SYNPR: variants seen among roughly 807,000 people sequenced by gnomAD.
SYNPR encodes the protein synaptoporin.
Under a neutral mutation model 32.9 loss-of-function variants are expected in SYNPR, and 23 were observed. That is an observed-to-expected ratio of 0.70 (90% confidence interval 0.50 to 0.99). The LOEUF is 0.99. SYNPR is among the 50% of genes least tolerant of loss of function. The pLI is 0.00. For synonymous variants in SYNPR, 146 were observed against 135.9 expected (o/e 1.07, Z -0.52); for missense variants, 318 against 349.3 (o/e 0.91, Z 0.71).
At chr3:63,203,843 C>T in the SYNPR span, among the ~76,000 whole-genome samples, 1 of 151,924 alleles carries the variant, frequency 6.6e-6, no homozygotes, top group African/African-American at 2.4e-5. Context: ...CTAAATAATA[C>T]AAAAAATTAG....
intron 3 of SYNPR, among the ~76,000 whole-genome samples, chr3:63,551,633 G>A (rs900303611): frequency 1.3e-5 from 2 of 152,240 alleles, no homozygotes; most frequent in Non-Finnish European, 1.5e-5. Context: ...TAGTGGATGT[G>A]AAGTAGTATC....
chr3:63,443,950 T>A (rs1240947738), intron 2 of SYNPR, among the ~76,000 whole-genome samples: 3 of 152,200 alleles, frequency 2.0e-5, no homozygotes, highest in Non-Finnish European at 4.4e-5. Flanking sequence ...TTATAAGGTC[T>A]TATAGCAGTA....
At chr3:63,562,440 A>G (rs576674390) in intron 4 of SYNPR, among the ~76,000 whole-genome samples, 1 of 152,290 alleles carries the variant, frequency 6.6e-6, no homozygotes, top group South Asian at 2.1e-4. Flanking sequence ...CCACCTTAAG[A>G]TTTTGTGTAA....
chr3:63,245,680 TGAGAGAGAGAGAGAGAGA>T (rs71992869), intron 1 of SYNPR, among the ~76,000 whole-genome samples: 1 of 123,286 alleles, frequency 8.1e-6, no homozygotes, highest in African/African-American at 3.1e-5. Flanking sequence ...CTTTGTCAAG[TGAGAGAGAGAGAGAGAGA>T]GAGAGAGAGA....
chr3:63,456,941 T>G (rs1700493488), intron 2 of SYNPR, among the ~76,000 whole-genome samples: 1 of 152,086 alleles, frequency 6.6e-6, no homozygotes, highest in Non-Finnish European at 1.5e-5. Context: ...TGCCTTTTAT[T>G]TTCTATCAGA....
chr3:63,600,670 G>A (rs1700027268), intron 4 of SYNPR, among the ~76,000 whole-genome samples: 1 of 152,124 alleles, frequency 6.6e-6, no homozygotes, highest in Non-Finnish European at 1.5e-5. Context: ...AGATCTGATG[G>A]TTTTATAAGC....
At chr3:63,472,026 G>A (rs1200339903) in intron 2 of SYNPR, among the ~76,000 whole-genome samples, 4 of 152,286 alleles carry the variant, frequency 2.6e-5, no homozygotes, top group South Asian at 2.1e-4. Flanking sequence ...GCGATGCTGC[G>A]GAGTGGAGGC....
intron 4 of SYNPR, among the ~76,000 whole-genome samples, chr3:63,587,164 C>T (rs916147784): frequency 2.0e-5 from 3 of 152,018 alleles, no homozygotes; most frequent in African/African-American, 7.2e-5. Context: ...AATTCATGGT[C>T]AAATGTCATT....
chr3:63,333,851 A>T (rs2087256239), intron 2 of SYNPR, among the ~76,000 whole-genome samples: 2 of 152,232 alleles, frequency 1.3e-5, no homozygotes, highest in African/African-American at 4.8e-5. Context: ...GTATTAAAAT[A>T]GGAAACAGCC....
At chr3:63,469,091 G>C (rs1305812067) in intron 2 of SYNPR, among the ~76,000 whole-genome samples, 1 of 151,914 alleles carries the variant, frequency 6.6e-6, no homozygotes, top group Admixed American at 6.6e-5. Context: ...TTTTAAAAAA[G>C]ACATGCCAAA....
At chr3:63,272,082 C>A (rs1182753807) in intron 3 of SYNPR, among the ~76,000 whole-genome samples, 1 of 152,154 alleles carries the variant, frequency 6.6e-6, no homozygotes, top group Non-Finnish European at 1.5e-5. Context: ...TTGATAACCA[C>A]ACAGGGTGTT....
intron 4 of SYNPR, among the ~76,000 whole-genome samples, chr3:63,566,430 T>A (rs1702789940): frequency 1.3e-5 from 2 of 152,218 alleles, no homozygotes; most frequent in Admixed American, 1.3e-4. Flanking sequence ...TTTTTGATGG[T>A]GAGGTAAAGC....
intron 2 of SYNPR, among the ~76,000 whole-genome samples, chr3:63,419,494 A>G (rs1244365816): frequency 6.6e-6 from 1 of 152,202 alleles, no homozygotes; most frequent in African/African-American, 2.4e-5. Context: ...CTCATGTCCT[A>G]TCAGGTCTAA....
At chr3:63,440,007 T>G (rs1247876957) in intron 2 of SYNPR, among the ~76,000 whole-genome samples, 1 of 152,166 alleles carries the variant, frequency 6.6e-6, no homozygotes, top group African/African-American at 2.4e-5. Context: ...GTGGACGTCT[T>G]AGTAAATGGA....
intron 2 of SYNPR, among the ~76,000 whole-genome samples, chr3:63,307,948 A>G (rs1369556049): frequency 2.6e-5 from 4 of 152,152 alleles, no homozygotes; most frequent in African/African-American, 9.6e-5. Context: ...TCTTGCTCAC[A>G]TTAGAGGAAA....
intron 4 of SYNPR, among the ~76,000 whole-genome samples, chr3:63,596,755 C>A (rs1029093305): frequency 1.3e-5 from 2 of 152,116 alleles, no homozygotes; most frequent in Non-Finnish European, 2.9e-5. Context: ...TCAGACCAAA[C>A]TACCAAAAGA....
intron 2 of SYNPR, among the ~76,000 whole-genome samples, chr3:63,294,996 A>G (rs982066118): frequency 3.3e-5 from 5 of 152,140 alleles, no homozygotes; most frequent in Non-Finnish European, 7.3e-5. Context: ...ATAGAGTGTT[A>G]TTGCACCATC....
rs988782017 is a variant in SYNPR, at chr3:63,262,672, A to T, written n.155-4645A>T. On this transcript the variant is annotated intron_variant and non_coding_transcript_variant, in intron 2 of 4. Coordinates refer to the SYNPR transcript ENST00000478456. Reference sequence around the variant, plus strand: ...GGGGACCGTGCCAAAGCCCAGCCCTAGTCCCACAGAAGACAGAGGCAGCCA... The same window carrying T: ...GGGGACCGTGCCAAAGCCCAGCCCTTGTCCCACAGAAGACAGAGGCAGCCA... 3.3e-5 allele frequency among the ~76,000 whole-genome samples: 5 copies of T among 152,302 alleles called. No individual in the cohort carries two copies. The East Asian group carries it at 5.8e-4, about 18-fold the overall frequency.
At chr3:63,400,673 G>A (rs1322098092) in intron 2 of SYNPR, among the ~76,000 whole-genome samples, 1 of 152,170 alleles carries the variant, frequency 6.6e-6, no homozygotes, top group Admixed American at 6.5e-5. Flanking sequence ...TCACCGAACT[G>A]AGCCCACACT....
Sources: gnomAD v4.1 joint callset for allele counts (sites outside exome capture counted in the v4.1 genomes callset) on GRCh38, gnomAD v4.1.1 for gene constraint, MANE v1.5 for transcripts, NCBI Gene and HGNC (gene_info 2026-07-23, HGNC 2026-07-21) for gene names.